The following SDK1 variants were observed in gnomAD, a reference collection of about 807,000 sequenced individuals.
SDK1 encodes sidekick cell adhesion molecule 1, also known as protein sidekick-1.
Under a neutral mutation model 245.5 loss-of-function variants are expected in SDK1, and 157 were observed. That is an observed-to-expected ratio of 0.64 (90% confidence interval 0.56 to 0.73). The LOEUF (loss-of-function observed/expected upper bound fraction) is 0.73, where lower values mean the gene tolerates loss of function less well. Ranked by LOEUF, SDK1 falls within the 30% of genes least tolerant of loss-of-function variation. The pLI is 0.00. For synonymous variants in SDK1, 1,647 were observed against 1,278.5 expected (o/e 1.29, Z -6.15); for missense variants, 3,583 against 3,002.3 (o/e 1.19, Z -4.52).
chr7:4,144,498 A>G lies in SDK1; in HGVS notation c.4229-1224A>G, dbSNP rs139314686. On this transcript the variant is annotated intron_variant, in intron 28 of 44. Coordinates refer to ENST00000404826, the MANE Select transcript of SDK1 (RefSeq NM_152744.4). ...GTGATGCCTGGGGCCTGATGTGAGGATGCCCTTGAGGTCTGATCTCCGTGT... is the reference window on the plus strand; with the variant it reads ...GTGATGCCTGGGGCCTGATGTGAGGGTGCCCTTGAGGTCTGATCTCCGTGT... Among the ~76,000 whole-genome samples, 988 of 151,354 alleles carry G rather than the reference A, an allele frequency of 6.5e-3. 5 individuals are homozygous for G. The highest frequency in any genetic ancestry group is 0.023 in the African/African-American group (951 of 41,248).
intron 2 of SDK1, among the ~76,000 whole-genome samples, chr7:3,632,190 A>T (rs183269692): frequency 6.6e-6 from 1 of 152,232 alleles, no homozygotes; most frequent in South Asian, 2.1e-4. Flanking sequence ...TGCTCACAGT[A>T]GATTTGACAG....
chr7:3,834,988 T>G (rs1045390214), intron 5 of SDK1, among the ~76,000 whole-genome samples: 4 of 152,180 alleles, frequency 2.6e-5, no homozygotes, highest in African/African-American at 9.6e-5. Context: ...GTGAGGATTC[T>G]CCAGCCTTTA....
chr7:3,356,253 TG>T (rs1297663823), intron 1 of SDK1, among the ~76,000 whole-genome samples: 17 of 151,974 alleles, frequency 1.1e-4, no homozygotes, highest in Non-Finnish European at 1.5e-5. Flanking sequence ...ACCTCTTTTT[TG>T]GGGGGTGGGG....
chr7:3,482,895 G>A (rs1354967070), intron 1 of SDK1, among the ~76,000 whole-genome samples: 2 of 152,192 alleles, frequency 1.3e-5, no homozygotes, highest in African/African-American at 4.8e-5. Context: ...TGCCTGACAC[G>A]TAATAAGTGC....
intron 1 of SDK1, among the ~76,000 whole-genome samples, chr7:3,475,074 T>C (rs1051749699): frequency 2.6e-4 from 40 of 152,354 alleles, no homozygotes; most frequent in Non-Finnish European, 1.0e-4. Flanking sequence ...ACCAGGATGA[T>C]AATTTTAAAA....
rs142836234 is a variant in SDK1 at position 3,893,641 on chromosome 7, C to G, written c.848-57282C>G. Among the ~76,000 whole-genome samples the G allele has an allele frequency of 9.2e-5, 14 of 151,754 alleles. No homozygotes were observed. In the East Asian group the frequency reaches 2.7e-3, roughly 29 times the overall value. On this transcript the variant is annotated intron_variant, in intron 5 of 44. Transcript: ENST00000404826. ...CTCTTGAGAATCTCCTTCAGGAGCT[C>G]TGGTTAAGAGATAAAGAAACAGTGA... is the stretch of plus-strand genomic sequence containing the variant.
At chr7:4,227,103 A>T (rs1480454781) in intron 40 of SDK1, 1 of 281,878 alleles carries the variant, frequency 3.5e-6, no homozygotes, top group Non-Finnish European at 6.9e-6. Flanking sequence ...ATTTTGTTCA[A>T]TTTCAGTCTT....
At chr7:3,591,730 G>A (rs1274459172) in intron 1 of SDK1, among the ~76,000 whole-genome samples, 4 of 152,198 alleles carry the variant, frequency 2.6e-5, no homozygotes, top group Admixed American at 1.3e-4. Flanking sequence ...TGTGGGGCAT[G>A]TGTGTATATG....
At chr7:3,851,441 A>C (rs1197882744) in intron 5 of SDK1, among the ~76,000 whole-genome samples, 1 of 152,250 alleles carries the variant, frequency 6.6e-6, no homozygotes, top group Non-Finnish European at 1.5e-5. Context: ...TCATAAAGAT[A>C]GAAGCGTAAT....
chr7:3,398,299 T>TG (rs1778779903), intron 1 of SDK1, among the ~76,000 whole-genome samples: 1 of 152,150 alleles, frequency 6.6e-6, no homozygotes, highest in Non-Finnish European at 1.5e-5. Flanking sequence ...ATTAGAGCCC[T>TG]GTTGATGTAG....
At chr7:3,572,220 T>A (rs2128629898) in intron 1 of SDK1, among the ~76,000 whole-genome samples, 1 of 152,236 alleles carries the variant, frequency 6.6e-6, no homozygotes, top group Non-Finnish European at 1.5e-5. Flanking sequence ...ACATTCTTTT[T>A]AAAATTTTTT....
At chr7:4,168,758 C>A (rs957631483) in intron 32 of SDK1, among the ~76,000 whole-genome samples, 2 of 152,186 alleles carry the variant, frequency 1.3e-5, no homozygotes, top group Non-Finnish European at 2.9e-5. Flanking sequence ...TTGAAGGTGA[C>A]CTCAGGGCGA....
chr7:3,303,288 A>G (rs988233234), intron 1 of SDK1, among the ~76,000 whole-genome samples: 6 of 152,242 alleles, frequency 3.9e-5, no homozygotes, highest in African/African-American at 1.4e-4. Context: ...GAAGAAATCT[A>G]AATCACTTAG....
At chr7:3,494,906 C>G (rs143331519) in intron 1 of SDK1, among the ~76,000 whole-genome samples, 109 of 152,300 alleles carry the variant, frequency 7.2e-4, no homozygotes, top group African/African-American at 2.6e-3. Flanking sequence ...AAATGTGTCT[C>G]CTTCTCTCTA....
At chr7:3,506,857 C>A (rs1164754434) in intron 1 of SDK1, among the ~76,000 whole-genome samples, 2 of 151,570 alleles carry the variant, frequency 1.3e-5, no homozygotes, top group Non-Finnish European at 2.9e-5. Flanking sequence ...AATAAACACA[C>A]ACATTTATTC....
At chr7:4,233,596 G>A (rs924977214) in intron 41 of SDK1, among the ~76,000 whole-genome samples, 177 bp downstream of exon 41, 1 of 152,150 alleles carries the variant, frequency 6.6e-6, no homozygotes, top group Middle Eastern at 3.4e-3. Context: ...GGGGTCGAGG[G>A]GGACCCTGGG....
chr7:4,224,649 C>A (rs1023405479), intron 40 of SDK1, among the ~76,000 whole-genome samples: 9 of 151,988 alleles, frequency 5.9e-5, no homozygotes, highest in Non-Finnish European at 1.3e-4. Context: ...TATCTACAAC[C>A]ATTCTGAGAA....
chr7:3,587,208 CAG>C (rs1477675106), intron 1 of SDK1, among the ~76,000 whole-genome samples: 1 of 152,108 alleles, frequency 6.6e-6, no homozygotes, highest in Non-Finnish European at 1.5e-5. Context: ...AGGCCAAAGA[CAG>C]AGGAGAAATT....
At chr7:3,315,807 A>G (rs763493422) in intron 1 of SDK1, among the ~76,000 whole-genome samples, 2 of 152,224 alleles carry the variant, frequency 1.3e-5, no homozygotes, top group Non-Finnish European at 2.9e-5. Flanking sequence ...CTGAGAGTGC[A>G]TTAATGGGAA....
Sources: allele counts gnomAD v4.1 joint callset (sites outside exome capture counted in the v4.1 genomes callset), GRCh38; gene constraint gnomAD v4.1.1; transcripts MANE v1.5; gene names NCBI Gene and HGNC (gene_info 2026-07-23, HGNC 2026-07-21).